The following C12orf42 variants were observed in gnomAD, a reference collection of about 807,000 sequenced individuals.
The protein encoded by C12orf42 is chromosome 12 open reading frame 42.
A neutral mutation model predicts 21.6 loss-of-function variants in C12orf42; 25 were observed. The ratio of observed to expected loss-of-function variants is 1.16; its 90% confidence interval spans 0.84 to 1.62. The LOEUF (loss-of-function observed/expected upper bound fraction) is 1.62. C12orf42 is among the 40% of genes most tolerant of loss of function. The pLI, the probability that C12orf42 is intolerant of heterozygous loss-of-function variation, is 0.00. For missense variants in C12orf42, 483 were observed against 459.3 expected (o/e 1.05, Z -0.47); for synonymous variants, 174 against 175.0 (o/e 0.99, Z 0.05).
chr12:103,158,755 C>T, the C12orf42 span, among the ~76,000 whole-genome samples: 2 of 151,844 alleles, frequency 1.3e-5, no homozygotes, highest in Non-Finnish European at 2.9e-5. Context: ...TGGCAGGCGC[C>T]TGTAATCCCA....
chr12:103,441,444 C>G (rs1442203034), intron 2 of C12orf42: 3 of 152,114 alleles, frequency 2.0e-5, no homozygotes, highest in Non-Finnish European at 4.4e-5. Context: ...AAATGCCTTC[C>G]TCACATAACC....
the C12orf42 span, among the ~76,000 whole-genome samples, chr12:103,120,619 T>C: frequency 6.6e-6 from 1 of 151,860 alleles, no homozygotes; most frequent in African/African-American, 2.4e-5. Flanking sequence ...GATGGGGATA[T>C]AAAAATACCA....
the C12orf42 span, among the ~76,000 whole-genome samples, chr12:103,207,526 A>C: frequency 6.6e-6 from 1 of 152,236 alleles, no homozygotes; most frequent in Non-Finnish European, 1.5e-5. Context: ...TTCCAAGTTA[A>C]GCTTTTCTGG....
chr12:103,353,832 G>C (rs949342188), intron 4 of C12orf42, among the ~76,000 whole-genome samples: 3 of 152,170 alleles, frequency 2.0e-5, no homozygotes, highest in East Asian at 1.9e-4. Flanking sequence ...AGCCCTTCAC[G>C]AGGGTGAGCA....
At chr12:103,352,020 T>C (rs967103507) in intron 4 of C12orf42, among the ~76,000 whole-genome samples, 1 of 151,240 alleles carries the variant, frequency 6.6e-6, no homozygotes, top group South Asian at 2.1e-4. Context: ...TCCACAATCC[T>C]CCCCTGCTCC....
intron 2 of C12orf42, among the ~76,000 whole-genome samples, chr12:103,427,342 G>A (rs1277236377): frequency 2.2e-5 from 3 of 136,952 alleles, no homozygotes; most frequent in Non-Finnish European, 3.2e-5. Flanking sequence ...TGATAAAACA[G>A]ACATTAAGCC....
the C12orf42 span, among the ~76,000 whole-genome samples, chr12:103,124,812 G>A: frequency 5.3e-5 from 8 of 152,078 alleles, no homozygotes; most frequent in African/African-American, 1.9e-4. Context: ...GGGCAATACA[G>A]TATCTGAAAA....
intron 2 of C12orf42, among the ~76,000 whole-genome samples, chr12:103,423,637 G>A (rs1183929221): frequency 6.6e-6 from 1 of 152,154 alleles, no homozygotes; most frequent in Non-Finnish European, 1.5e-5. Flanking sequence ...GGTAACATTT[G>A]CAGCATTCCT....
the C12orf42 span, among the ~76,000 whole-genome samples, chr12:103,538,636 A>G: frequency 6.6e-6 from 1 of 152,248 alleles, no homozygotes; most frequent in South Asian, 2.1e-4. Flanking sequence ...CACTTGGGTG[A>G]TTCAACTACT....
At chr12:103,293,487 C>G (rs1282465414) in intron 4 of C12orf42, among the ~76,000 whole-genome samples, 1 of 152,100 alleles carries the variant, frequency 6.6e-6, no homozygotes, top group Non-Finnish European at 1.5e-5. Context: ...CCTTCAAATC[C>G]TCCACACTCC....
At chr12:103,167,879 C>CGTGTGTGTGTGT in the C12orf42 span, among the ~76,000 whole-genome samples, 1 of 134,102 alleles carries the variant, frequency 7.5e-6, no homozygotes, top group South Asian at 2.5e-4. Flanking sequence ...GAGGGGTGGG[C>CGTGTGTGTGTGT]GTGTGTGTGT....
chr12:103,056,604 A>G, the C12orf42 span, among the ~76,000 whole-genome samples: 28 of 152,200 alleles, frequency 1.8e-4, 1 homozygote, highest in African/African-American at 6.7e-4. Flanking sequence ...TTATAGTCCC[A>G]TAGGCTCCTG....
the C12orf42 span, chr12:103,164,883 G>T: frequency 3.4e-6 from 1 of 296,012 alleles, no homozygotes; most frequent in South Asian, 3.1e-5. Context: ...AGGATATTAG[G>T]ATAAAATATG....
chr12:103,218,621 C>G, the C12orf42 span, among the ~76,000 whole-genome samples: 1 of 152,082 alleles, frequency 6.6e-6, no homozygotes, highest in Non-Finnish European at 1.5e-5. Context: ...GAGGTGTCTA[C>G]TTTTTATTTG....
chr12:103,109,694 C>T, the C12orf42 span, among the ~76,000 whole-genome samples: 91 of 150,712 alleles, frequency 6.0e-4, no homozygotes, highest in Non-Finnish European at 9.5e-4. Flanking sequence ...TTAGAAATGG[C>T]ACTACATTAA....
chr12:103,270,809 T>A (rs1461441488), intron 5 of C12orf42, among the ~76,000 whole-genome samples: 1 of 144,694 alleles, frequency 6.9e-6, no homozygotes, highest in East Asian at 2.0e-4. Context: ...CTAAAACATC[T>A]AGGTCTTAAA....
At position 103,489,457 on chromosome 12, in the gene C12orf42, G is replaced by A. The variant is rs149178530; in HGVS notation, c.-22+6445C>T. 1.3e-3 allele frequency among the ~76,000 whole-genome samples: 202 copies of A among 152,324 alleles called. 1 individual carries two copies. Among genetic ancestry groups the A allele is most frequent in the African/African-American group, 4.2e-3 (176 of 41,582 alleles). ...TGTCTGTTCTCAGAGCTCAAACACC[G>A]TGCTGGGAGAACCACTGCTCTCCTC... On this transcript the variant is annotated intron_variant, in intron 1 of 5. Coordinates refer to ENST00000548883, the MANE Select transcript of C12orf42 (RefSeq NM_198521.5).
intron 10 of C12orf42, among the ~76,000 whole-genome samples, chr12:103,255,122 C>A (rs2034496261): frequency 6.6e-6 from 1 of 152,074 alleles, no homozygotes; most frequent in African/African-American, 2.4e-5. Context: ...CCTGTAATCC[C>A]AGCACTTTGG....
intron 2 of C12orf42, chr12:103,431,098 T>TA (rs71097976): frequency 0.82 from 124,927 of 151,664 alleles, 51,464 homozygotes; most frequent in Admixed American, 0.88. Context: ...CAAAGTATAA[T>TA]AAAAAAAATA....
Sources: gnomAD v4.1 joint callset for allele counts (sites outside exome capture counted in the v4.1 genomes callset) on GRCh38, gnomAD v4.1.1 for gene constraint, MANE v1.5 for transcripts, NCBI Gene and HGNC (gene_info 2026-07-23, HGNC 2026-07-21) for gene names.